The following POU2F2 variants were observed in gnomAD, a reference collection of about 807,000 sequenced individuals.
POU2F2 encodes POU domain, class 2, transcription factor 2.
In POU2F2, 14 loss-of-function variants were observed where a neutral mutation model predicts 63.5. That is an observed-to-expected ratio of 0.22 (90% confidence interval 0.15 to 0.34). The LOEUF (loss-of-function observed/expected upper bound fraction) is 0.34, where lower values mean the gene tolerates loss of function less well. POU2F2 is among the 10% of genes least tolerant of loss of function. The pLI, the probability that POU2F2 is intolerant of heterozygous loss-of-function variation, is 1.00. For synonymous variants in POU2F2, 306 were observed against 348.6 expected (o/e 0.88, Z 1.36); for missense variants, 607 against 815.2 (o/e 0.74, Z 3.11).
rs2032093420 is a variant in POU2F2, at chr19:42,117,639, T to C, written c.187-207A>G. Among the ~76,000 whole-genome samples, 1 of 152,074 alleles carries C rather than the reference T, an allele frequency of 6.6e-6. No homozygotes were observed. Among genetic ancestry groups the C allele is most frequent in the African/African-American group, 2.4e-5 (1 of 41,410 alleles). On this transcript the variant is annotated intron_variant, in intron 4 of 14. Transcript: ENST00000692977. This position sits in a 1 kb window ranked among gnomAD's most constrained non-coding sequence, Gnocchi z 4.4. The stretch of plus-strand genomic sequence containing the variant: ...CCAAACTCCCTACAGAAGTCGCCTT[T>C]GCAGAGCACTTTTCCCCTCCTGAGA...
At position 42,117,302 on chromosome 19, in the gene POU2F2, T is replaced by C; in HGVS notation, c.317A>G (p.Gln106Arg). 6.6e-7 allele frequency: 1 copy of C among 1,513,784 alleles called. No homozygotes were observed. The highest frequency in any genetic ancestry group is 1.3e-5 in the South Asian group (1 of 74,650). The allele number at this position is 1,513,784 out of a possible 1,614,324, so 93.8% of individuals were successfully genotyped here. A position where few individuals can be genotyped will look rare whatever the true frequency, so the allele number is the denominator to read the frequency against. ...PAAPLPPQPA[Q>R]PHLPQAQLML... is the part of the protein sequence containing the mutation. ...GAGTTGGGCCTGGGGCAGATGAGGC[T>C]GGGCCGGCTGAGGGGGCAGGGGTGC... The change falls in exon 5 of 15, where the codon CAG (glutamine) becomes CGG (arginine). Residue 106 changes from glutamine (Q) to arginine (R), a missense_variant. Physicochemically the swap from Gln to Arg is conservative, Grantham distance 43 (BLOSUM62 1). Coordinates refer to ENST00000692977, the MANE Select transcript of POU2F2 (RefSeq NM_001394376.1). This position sits in a 1 kb window ranked among gnomAD's most constrained non-coding sequence, Gnocchi z 4.4.
upstream of POU2F2, among the ~76,000 whole-genome samples, chr19:42,134,920 G>A (rs1232470356): frequency 6.6e-6 from 1 of 151,996 alleles, no homozygotes; most frequent in Admixed American, 6.5e-5. Flanking sequence ...GAGGTCCCCC[G>A]GGGGCCCGGC....
intron 5 of POU2F2, among the ~76,000 whole-genome samples, chr19:42,111,154 A>G (rs1224908677): frequency 1.3e-5 from 2 of 151,616 alleles, no homozygotes; most frequent in African/African-American, 4.9e-5. Context: ...GTCTTACTCT[A>G]TCTTCTGGGC....
chr19:42,108,228 C>G (rs1232919378), intron 5 of POU2F2, among the ~76,000 whole-genome samples: 1 of 152,230 alleles, frequency 6.6e-6, no homozygotes, highest in African/African-American at 2.4e-5. Context: ...CCCGCTATAT[C>G]CTCACCCAGA....
chr19:42,125,188 G>A (rs987293024), intron 1 of POU2F2, among the ~76,000 whole-genome samples: 2 of 151,806 alleles, frequency 1.3e-5, no homozygotes, highest in African/African-American at 2.4e-5. Flanking sequence ...TGAAATCCCC[G>A]TCTCTCCAAA....
At position 42,183,187 on chromosome 19, in the gene POU2F2, C is replaced by G. The variant is rs1215797938; in HGVS notation, c.-70+13196G>C. On this transcript the variant is annotated intron_variant, in intron 1 of 5. Transcript: ENST00000532176. ...TCACGAATTAGCACTATGCTGTAAGCTGAAGAAACAAATGCAAATGAGACA... is the reference window on the plus strand; with the variant it reads ...TCACGAATTAGCACTATGCTGTAAGGTGAAGAAACAAATGCAAATGAGACA... Among the ~76,000 whole-genome samples, 3 of 152,292 alleles carry G rather than the reference C, an allele frequency of 2.0e-5. No homozygotes were observed. In the South Asian group the frequency reaches 6.2e-4, roughly 32 times the overall value.
At chr19:42,195,060 AGGG>A (rs1568430820) in intron 1 of POU2F2, among the ~76,000 whole-genome samples, 1 of 31,780 alleles carries the variant, frequency 3.1e-5, no homozygotes, top group Non-Finnish European at 6.0e-5. Context: ...GAAGGGAGGG[AGGG>A]AGGGAGGAAG....
chr19:42,117,157 A>G lies in POU2F2; in HGVS notation c.369+93T>C, dbSNP rs2032021785. Reference sequence around the variant, plus strand: ...AAGAGGCAGGTGTGAGAGAGTGGCCATGGCCTTGGTGGAACAGTTCATCCA... The same window carrying G: ...AAGAGGCAGGTGTGAGAGAGTGGCCGTGGCCTTGGTGGAACAGTTCATCCA... On this transcript the variant is annotated intron_variant, in intron 5 of 14. Transcript: ENST00000692977. This position sits in a 1 kb window ranked among gnomAD's most constrained non-coding sequence, Gnocchi z 4.4. 7.5e-6 allele frequency: 8 copies of G among 1,062,220 alleles called. No individual in the cohort carries two copies. Among genetic ancestry groups the G allele is most frequent in the Non-Finnish European group, 1.1e-5 (8 of 737,172 alleles). 65.8% of individuals were successfully genotyped at this position (1,062,220 alleles called of 1,614,324 possible). A position where few individuals can be genotyped will look rare whatever the true frequency, so the allele number is the denominator to read the frequency against.
chr19:42,135,323 C>G (rs1169184714), upstream of POU2F2, among the ~76,000 whole-genome samples: 1 of 152,102 alleles, frequency 6.6e-6, no homozygotes, highest in African/African-American at 2.4e-5. Flanking sequence ...ACCCACCTCC[C>G]TCTGCCCAGT....
Position 42,088,802 on chromosome 19 carries a change from G to C in POU2F2, c.*2455C>G, listed in dbSNP as rs1336999483. The C allele has an allele frequency of 6.6e-6, 1 of 152,520 alleles. No individual in the cohort carries two copies. Among genetic ancestry groups the C allele is most frequent in the East Asian group, 1.9e-4 (1 of 5,174 alleles). The allele number at this position is 152,520 out of a possible 1,614,324, so 9.4% of individuals were successfully genotyped here. ...AGATGCTTACATTCCGGTGAGGTTG[G>C]GTAGACGAGGTGCCAGGCCCCATCG... On this transcript the variant is annotated 3_prime_UTR_variant, in exon 15 of 15. Transcript: ENST00000692977.
rs2076612795 is a variant in POU2F2, at chr19:42,088,352, G to C, written c.*2905C>G. ...CAGGGGTCCCTCCACCAACATCAGG[G>C]CATCTGCCCCATCCCTGCCCCCTGC... On this transcript the variant is annotated 3_prime_UTR_variant, in exon 15 of 15. Transcript: ENST00000692977. 6.6e-6 allele frequency: 1 copy of C among 152,148 alleles called. No individual in the cohort carries two copies. Among genetic ancestry groups the C allele is most frequent in the Non-Finnish European group, 1.5e-5 (1 of 68,024 alleles). 9.4% of individuals were successfully genotyped at this position (152,148 alleles called of 1,614,324 possible). A position where few individuals can be genotyped will look rare whatever the true frequency, so the allele number is the denominator to read the frequency against.
chr19:42,174,796 T>G (rs1568424492), intron 1 of POU2F2, among the ~76,000 whole-genome samples: 1 of 151,792 alleles, frequency 6.6e-6, no homozygotes, highest in Non-Finnish European at 1.5e-5. Flanking sequence ...ACTCTGTACC[T>G]TCCCCTTATA....
chr19:42,147,786 A>G (rs2034261350), intron 2 of POU2F2, among the ~76,000 whole-genome samples: 1 of 152,228 alleles, frequency 6.6e-6, no homozygotes, highest in Non-Finnish European at 1.5e-5. Context: ...CTCTGCAAAT[A>G]CAAAAGCTTA....
Position 42,115,324 on chromosome 19 carries a change from G to C in POU2F2, c.369+1926C>G, listed in dbSNP as rs188327295. ...GCCAATAATGGAACGGGCCATTATT[G>C]GGGTGAACTGTAACAAGGGAACAGC... On this transcript the variant is annotated intron_variant, in intron 5 of 14. Transcript: ENST00000692977. Among the ~76,000 whole-genome samples, 575 of 152,250 alleles carry C rather than the reference G, an allele frequency of 3.8e-3. 6 individuals are homozygous for C. Among genetic ancestry groups the C allele is most frequent in the African/African-American group, 0.013 (557 of 41,532 alleles).
chr19:42,129,982 G>A (rs1298322801), intron 1 of POU2F2, among the ~76,000 whole-genome samples: 1 of 152,200 alleles, frequency 6.6e-6, no homozygotes, highest in East Asian at 1.9e-4. Flanking sequence ...ATGTGAACAG[G>A]TTTGCAGATA....
intron 5 of POU2F2, among the ~76,000 whole-genome samples, chr19:42,112,584 G>A (rs1289418748): frequency 6.6e-6 from 1 of 152,072 alleles, no homozygotes; most frequent in African/African-American, 2.4e-5. Flanking sequence ...TGGCCAGACT[G>A]GTCTTGAACT....
intron 5 of POU2F2, among the ~76,000 whole-genome samples, chr19:42,116,218 T>A (rs2031840598): frequency 6.6e-6 from 1 of 152,094 alleles, no homozygotes; most frequent in East Asian, 1.9e-4. Flanking sequence ...AGCTCCAGAG[T>A]CAGGGAGGTG....
intron 7 of POU2F2, among the ~76,000 whole-genome samples, chr19:42,097,328 G>C (rs1039919603): frequency 2.0e-5 from 3 of 151,518 alleles, no homozygotes; most frequent in African/African-American, 4.9e-5. Flanking sequence ...CTCCCGAGTA[G>C]CTGGGATTAT....
chr19:42,122,036 T>C, intron 4 of POU2F2, 90 bp downstream of exon 4: 1 of 1,339,072 alleles, frequency 7.5e-7, no homozygotes. Context: ...CAAGGCTCAG[T>C]GCTCTCTCAG....
Sources: gnomAD v4.1 joint callset for allele counts (sites outside exome capture counted in the v4.1 genomes callset) on GRCh38, gnomAD v4.1.1 for gene constraint, Gnocchi (gnomAD v3.1) non-coding constraint, MANE v1.5 for transcripts, NCBI Gene and HGNC (gene_info 2026-07-23, HGNC 2026-07-21) for gene names.